Variants in NDST3 observed in about 807,000 individuals in gnomAD.
NDST3 encodes bifunctional heparan sulfate N-deacetylase/N-sulfotransferase 3.
In NDST3, 58 loss-of-function variants were observed where a neutral mutation model predicts 96.1. The observed-to-expected ratio is 0.60, with a 90% CI of 0.49 to 0.75. The LOEUF is 0.75. NDST3 is among the 30% of genes least tolerant of loss of function. NDST3 has a pLI of 0.00. For missense variants in NDST3, 788 were observed against 1,034.2 expected (o/e 0.76, Z 3.27); for synonymous variants, 333 against 359.7 (o/e 0.93, Z 0.84).
At chr4:118,209,921 C>A (rs1187879445) in intron 6 of NDST3, among the ~76,000 whole-genome samples, 1 of 152,146 alleles carries the variant, frequency 6.6e-6, no homozygotes, top group African/African-American at 2.4e-5. Context: ...ATTAAGGTGA[C>A]ATCTTTTGTC....
chr4:118,243,097 T>C (rs1479807066), intron 12 of NDST3, among the ~76,000 whole-genome samples: 5 of 152,028 alleles, frequency 3.3e-5, no homozygotes, highest in African/African-American at 1.2e-4. Context: ...TGGTTTTTTT[T>C]TAATTACATG....
intron 9 of NDST3, among the ~76,000 whole-genome samples, chr4:118,233,394 T>C (rs1432855231): frequency 6.6e-6 from 1 of 152,172 alleles, no homozygotes; most frequent in Non-Finnish European, 1.5e-5. Flanking sequence ...TAATTATAGA[T>C]ATTAAGTCAG....
chr4:118,146,020 G>A (rs1174903539), intron 6 of NDST3, among the ~76,000 whole-genome samples: 2 of 152,242 alleles, frequency 1.3e-5, no homozygotes, highest in African/African-American at 2.4e-5. Context: ...GGAGAACAGA[G>A]TAAGGAGTAG....
intron 2 of NDST3, among the ~76,000 whole-genome samples, chr4:118,075,048 C>A (rs931769536): frequency 6.6e-6 from 1 of 151,940 alleles, no homozygotes; most frequent in East Asian, 1.9e-4. Context: ...CTATCCCTTC[C>A]CCATCCCCCC....
In NDST3 at chr4:118,127,997, G is replaced by T. The variant is rs1157830855; in HGVS notation, c.1225-10057G>T. Among the ~76,000 whole-genome samples the T allele has an allele frequency of 3.3e-5, 5 of 151,754 alleles. No homozygotes were observed. In the East Asian group the frequency reaches 7.7e-4, roughly 23 times the overall value. ...CTTGTTTTTTACATTGTTCACCATTGGCATATAGAAATGTTACTGGCTTTT... is the reference window on the plus strand; with the variant it reads ...CTTGTTTTTTACATTGTTCACCATTTGCATATAGAAATGTTACTGGCTTTT... On this transcript the variant is annotated intron_variant, in intron 4 of 13. Transcript: ENST00000296499.
rs559108489 is a variant in NDST3 at position 118,163,329 on chromosome 4, T to C, written c.1539+19645T>C. On this transcript the variant is annotated intron_variant, in intron 6 of 13. Transcript: ENST00000296499. Reference sequence around the variant, plus strand: ...ATGTTTACTGTGGCTCTGTTCACAATAGCAAAGACTTGGAACCAACCCAAA... The same window carrying C: ...ATGTTTACTGTGGCTCTGTTCACAACAGCAAAGACTTGGAACCAACCCAAA... 2.9e-3 allele frequency among the ~76,000 whole-genome samples: 440 copies of C among 152,292 alleles called. 2 individuals are homozygous for C. The highest frequency in any genetic ancestry group is 9.9e-3 in the African/African-American group (413 of 41,548).
chr4:118,157,430 T>C (rs1188918241), intron 6 of NDST3, among the ~76,000 whole-genome samples: 1 of 12,462 alleles, frequency 8.0e-5, no homozygotes, highest in African/African-American at 1.1e-4. Context: ...TTGTTTTTGT[T>C]TTTTTTTTTT....
chr4:118,129,928 A>G (rs1207733009), intron 4 of NDST3, among the ~76,000 whole-genome samples: 5 of 152,024 alleles, frequency 3.3e-5, no homozygotes, highest in African/African-American at 1.2e-4. Context: ...CTCCTTTATC[A>G]TTATATAGTG....
At chr4:118,238,048 G>A (rs1740753094) in intron 10 of NDST3, among the ~76,000 whole-genome samples, 1 of 151,740 alleles carries the variant, frequency 6.6e-6, no homozygotes. Flanking sequence ...AGGATTGCCT[G>A]AGCCTGGGAG....
At chr4:118,104,809 C>A (rs970533891) in intron 2 of NDST3, among the ~76,000 whole-genome samples, 6 of 152,024 alleles carry the variant, frequency 3.9e-5, no homozygotes, top group Admixed American at 3.9e-4. Flanking sequence ...TGATTTATTG[C>A]AAGCTAAAGG....
intron 6 of NDST3, among the ~76,000 whole-genome samples, chr4:118,150,401 TCAAGAG>T (rs2125915036): frequency 6.6e-6 from 1 of 152,102 alleles, no homozygotes. Context: ...CTAATTAAAC[TCAAGAG>T]CTTCTGCACA....
At chr4:118,147,433 T>C (rs2125911245) in intron 6 of NDST3, among the ~76,000 whole-genome samples, 1 of 152,318 alleles carries the variant, frequency 6.6e-6, no homozygotes, top group East Asian at 1.9e-4. Flanking sequence ...ACATTCTTGA[T>C]CAATTTACAA....
chr4:118,121,391 T>G (rs1731556456), intron 4 of NDST3, among the ~76,000 whole-genome samples: 1 of 152,220 alleles, frequency 6.6e-6, no homozygotes, highest in Non-Finnish European at 1.5e-5. Context: ...TAGAATTATA[T>G]ATTTTAAGTA....
At chr4:118,230,792 A>G (rs965085863) in intron 8 of NDST3, among the ~76,000 whole-genome samples, 5 of 152,166 alleles carry the variant, frequency 3.3e-5, no homozygotes, top group Non-Finnish European at 7.3e-5. Flanking sequence ...ATGATTACAG[A>G]CAAACTGTTC....
intron 6 of NDST3, among the ~76,000 whole-genome samples, chr4:118,192,095 T>C (rs1560708049): frequency 6.6e-6 from 1 of 152,244 alleles, no homozygotes; most frequent in Non-Finnish European, 1.5e-5. Context: ...CTTTGAGAAA[T>C]GTCTTTTCAA....
At chr4:118,183,696 T>C (rs1736745830) in intron 6 of NDST3, among the ~76,000 whole-genome samples, 1 of 152,200 alleles carries the variant, frequency 6.6e-6, no homozygotes, top group South Asian at 2.1e-4. Context: ...GCAAGACAAG[T>C]GGTTCAGGAT....
Position 118,258,103 on chromosome 4 carries a change from G to A in NDST3, c.*2391G>A, listed in dbSNP as rs565984494. Reference sequence around the variant, plus strand: ...GGCCTATTTTGTTTAGGTAAATCGAGTTGACTGAACACTTCATCCTTTTAA... The same window carrying A: ...GGCCTATTTTGTTTAGGTAAATCGAATTGACTGAACACTTCATCCTTTTAA... On this transcript the variant is annotated 3_prime_UTR_variant, in exon 14 of 14. Coordinates refer to ENST00000296499, the MANE Select transcript of NDST3 (RefSeq NM_004784.3). 3.9e-5 allele frequency: 6 copies of A among 152,316 alleles called. No homozygotes were observed. In the South Asian group the frequency reaches 6.2e-4, roughly 16 times the overall value. The allele number at this position is 152,316 out of a possible 1,614,324, so 9.4% of individuals were successfully genotyped here. A position where few individuals can be genotyped will look rare whatever the true frequency, so the allele number is the denominator to read the frequency against.
At chr4:118,104,471 G>C (rs1219063056) in intron 2 of NDST3, among the ~76,000 whole-genome samples, 2 of 152,118 alleles carry the variant, frequency 1.3e-5, no homozygotes, top group African/African-American at 4.8e-5. Flanking sequence ...TCAGAAGTAG[G>C]ATATTTTATT....
At chr4:118,088,385 A>T (rs1209650549) in intron 2 of NDST3, among the ~76,000 whole-genome samples, 1 of 152,062 alleles carries the variant, frequency 6.6e-6, no homozygotes, top group Non-Finnish European at 1.5e-5. Context: ...TTTATTGTGG[A>T]TGGAAAGAAT....
Sources: allele counts gnomAD v4.1 joint callset (sites outside exome capture counted in the v4.1 genomes callset), GRCh38; gene constraint gnomAD v4.1.1; transcripts MANE v1.5; gene names NCBI Gene and HGNC (gene_info 2026-07-23, HGNC 2026-07-21).